Variants in SLIT2 observed in about 807,000 individuals in gnomAD.
SLIT2 encodes slit guidance ligand 2.
Under a neutral mutation model 185.7 loss-of-function variants are expected in SLIT2, and 41 were observed. That is an observed-to-expected ratio of 0.22 (90% confidence interval 0.17 to 0.29). The LOEUF (loss-of-function observed/expected upper bound fraction) is 0.29, where lower values mean the gene tolerates loss of function less well. Among genes scored for constraint, SLIT2 ranks in the 10% least tolerant of loss-of-function variants. The pLI, the probability that SLIT2 is intolerant of heterozygous loss-of-function variation, is 1.00. For synonymous variants in SLIT2, 693 were observed against 680.2 expected (o/e 1.02, Z -0.29); for missense variants, 1,571 against 1,909.0 (o/e 0.82, Z 3.30).
At chr4:20,565,939 C>G (rs567672544) in intron 26 of SLIT2, among the ~76,000 whole-genome samples, 1 of 151,840 alleles carries the variant, frequency 6.6e-6, no homozygotes, top group South Asian at 2.1e-4. Context: ...CTAGTATTTC[C>G]CAGGGTAAAG....
At chr4:20,510,326 C>T (rs1719590256) in intron 9 of SLIT2, among the ~76,000 whole-genome samples, 169 bp from the exon 10 acceptor site, 1 of 152,068 alleles carries the variant, frequency 6.6e-6, no homozygotes, top group Non-Finnish European at 1.5e-5. Context: ...TCCCAATTTG[C>T]TTCACATTTA....
intron 4 of SLIT2, among the ~76,000 whole-genome samples, chr4:20,362,846 C>T (rs1419038547): frequency 3.3e-5 from 5 of 151,804 alleles, no homozygotes. Context: ...TACTTCTGTT[C>T]TAGAACTTAA....
At chr4:20,510,619 T>C in intron 10 of SLIT2, 53 bp downstream of exon 10, 1 of 1,139,582 alleles carries the variant, frequency 8.8e-7, no homozygotes, top group Admixed American at 1.8e-5. Context: ...ATAGAGGTCA[T>C]GAGACCATGC....
intron 4 of SLIT2, among the ~76,000 whole-genome samples, chr4:20,286,695 G>A (rs1326974391): frequency 2.6e-5 from 4 of 152,108 alleles, no homozygotes; most frequent in Non-Finnish European, 5.9e-5. Flanking sequence ...CCAGCTACTC[G>A]GGAGGCTGAG....
At chr4:20,432,731 A>G (rs1397174561) in intron 4 of SLIT2, among the ~76,000 whole-genome samples, 1 of 148,800 alleles carries the variant, frequency 6.7e-6, no homozygotes, top group Non-Finnish European at 1.5e-5. Context: ...ACAAGCTGGA[A>G]AAAATTATAC....
At chr4:20,589,588 T>A (rs1727337039) in intron 29 of SLIT2, 56 bp from the exon 30 acceptor site, 1 of 1,290,142 alleles carries the variant, frequency 7.8e-7, no homozygotes, top group Admixed American at 1.7e-5. Context: ...CACAGTCTGC[T>A]GGCAGGAAGC....
chr4:20,364,907 A>T (rs1722996069), intron 4 of SLIT2, among the ~76,000 whole-genome samples: 1 of 152,118 alleles, frequency 6.6e-6, no homozygotes, highest in Admixed American at 6.6e-5. Flanking sequence ...CAATTGACTC[A>T]ATGGACTCAT....
intron 25 of SLIT2, among the ~76,000 whole-genome samples, chr4:20,553,058 G>A (rs529931146): frequency 4.3e-4 from 66 of 152,220 alleles, no homozygotes; most frequent in Middle Eastern, 3.4e-3. Flanking sequence ...ATGAACAACC[G>A]TAAAATGAAC....
chr4:20,338,869 G>A (rs1476277325), intron 4 of SLIT2, among the ~76,000 whole-genome samples: 1 of 151,910 alleles, frequency 6.6e-6, no homozygotes, highest in Non-Finnish European at 1.5e-5. Context: ...CAGGAGGATC[G>A]CTTGAGTCCA....
intron 4 of SLIT2, among the ~76,000 whole-genome samples, chr4:20,411,108 T>C (rs1727223461): frequency 6.6e-6 from 1 of 152,170 alleles, no homozygotes; most frequent in Non-Finnish European, 1.5e-5. Flanking sequence ...GGTTTGTAGT[T>C]CTCTTTGAAG....
At chr4:20,477,735 A>G (rs1158565700) in intron 5 of SLIT2, among the ~76,000 whole-genome samples, 1 of 152,226 alleles carries the variant, frequency 6.6e-6, no homozygotes, top group Non-Finnish European at 1.5e-5. Flanking sequence ...CTTAGCATCC[A>G]ACTGTCTTTA....
Position 20,254,749 on chromosome 4 carries a change from T to C in SLIT2, c.179+755T>C, listed in dbSNP as rs1053107045. On this transcript the variant is annotated intron_variant, in intron 1 of 36. Coordinates refer to ENST00000504154, the MANE Select transcript of SLIT2 (RefSeq NM_004787.4). The surrounding 1 kb of genome is among the most constrained non-coding windows in gnomAD (Gnocchi z 5.1). ...AGCGCAAACCAGCCCAACCAGGTCT[T>C]ACCACTGCGGCGACCCGGCGGTGCC... 5.3e-5 allele frequency among the ~76,000 whole-genome samples: 8 copies of C among 152,084 alleles called. No homozygotes were observed. Among genetic ancestry groups the C allele is most frequent in the African/African-American group, 1.9e-4 (8 of 41,430 alleles).
At chr4:20,347,495 G>T (rs1351470939) in intron 4 of SLIT2, among the ~76,000 whole-genome samples, 4 of 152,162 alleles carry the variant, frequency 2.6e-5, no homozygotes, top group African/African-American at 9.7e-5. Context: ...GCATTTTTTA[G>T]TAGGCACTGG....
intron 16 of SLIT2, among the ~76,000 whole-genome samples, chr4:20,530,462 T>A (rs1392916472): frequency 6.6e-6 from 1 of 152,048 alleles, no homozygotes; most frequent in Non-Finnish European, 1.5e-5. Context: ...TTTGTACTTT[T>A]TGTAGAGATG....
intron 4 of SLIT2, among the ~76,000 whole-genome samples, chr4:20,371,941 G>A (rs1723614559): frequency 6.6e-6 from 1 of 151,994 alleles, no homozygotes; most frequent in Non-Finnish European, 1.5e-5. Context: ...AGAACTTGAT[G>A]GAAAGTGCCT....
chr4:20,374,698 A>G (rs1208049425), intron 4 of SLIT2, among the ~76,000 whole-genome samples: 2 of 147,510 alleles, frequency 1.4e-5, no homozygotes, highest in African/African-American at 2.5e-5. Context: ...CTTTGTCCCT[A>G]TTTACTGCTT....
At chr4:20,585,094 C>T (rs1726945861) in intron 29 of SLIT2, among the ~76,000 whole-genome samples, 1 of 151,960 alleles carries the variant, frequency 6.6e-6, no homozygotes, top group Admixed American at 6.6e-5. Context: ...AAAAAACAAC[C>T]TCTATGTCAA....
intron 9 of SLIT2, among the ~76,000 whole-genome samples, chr4:20,507,128 A>G (rs1446615358): frequency 6.6e-6 from 1 of 151,902 alleles, no homozygotes; most frequent in Non-Finnish European, 1.5e-5. Context: ...TGTCTGAAAT[A>G]TTGTTTTTGC....
rs771390724 is a variant in SLIT2, at chr4:20,548,544, C to T, written c.2402C>T (p.Thr801Ile). 8.1e-6 allele frequency: 13 copies of T among 1,601,936 alleles called. No individual in the cohort carries two copies. In the East Asian group the frequency reaches 2.9e-4, roughly 36 times the overall value. ...TCTAATCAGAGCTTCAGCAACATGA[C>T]CCAGCTCCTCACCTTGTGAGTGTGA... ...TLSNQSFSNM[T>I]QLLTLILSYN... Residue 801 changes from threonine (T) to isoleucine (I), a missense_variant, in exon 23 of 37, where the codon ACC becomes ATC. Around this residue, in one of 3 missense-constraint regions of SLIT2, gnomAD observed 1,202 missense variants for 1,416.4 expected, o/e 0.85. Coordinates refer to ENST00000504154, the MANE Select transcript of SLIT2 (RefSeq NM_004787.4).
Sources: gnomAD v4.1 joint callset for allele counts (sites outside exome capture counted in the v4.1 genomes callset) on GRCh38, gnomAD v4.1.1 for gene constraint, gnomAD v4.1.1 regional missense constraint, Gnocchi (gnomAD v3.1) non-coding constraint, MANE v1.5 for transcripts, NCBI Gene and HGNC (gene_info 2026-07-23, HGNC 2026-07-21) for gene names.